The following MTERF2 variants were observed in gnomAD, a reference collection of about 807,000 sequenced individuals.
MTERF2 encodes the protein transcription termination factor 2, mitochondrial.
In MTERF2, 23 loss-of-function variants were observed where a neutral mutation model predicts 29.2. The observed-to-expected ratio is 0.79, with a 90% CI of 0.57 to 1.12. The LOEUF (loss-of-function observed/expected upper bound fraction) is 1.12, where lower values mean the gene tolerates loss of function less well. Ranked by LOEUF, MTERF2 falls within the 50% of genes most tolerant of loss-of-function variation. MTERF2 has a pLI of 0.00. For synonymous variants in MTERF2, 157 were observed against 159.5 expected (o/e 0.98, Z 0.12); for missense variants, 440 against 429.4 (o/e 1.02, Z -0.22).
At chr12:106,979,461 A>C (rs1052367790) in intron 2 of MTERF2, among the ~76,000 whole-genome samples, 5 of 152,158 alleles carry the variant, frequency 3.3e-5, no homozygotes, top group Non-Finnish European at 7.4e-5. Flanking sequence ...CCCTTTTATA[A>C]ATCCAGAATT....
chr12:106,986,020 G>A (rs1447504107), intron 1 of MTERF2: 2 of 152,196 alleles, frequency 1.3e-5, no homozygotes, highest in Non-Finnish European at 2.9e-5. Flanking sequence ...GGCCATGAAT[G>A]ACCTGCACTA....
At chr12:106,979,386 ATTATT>A (rs138056159) in intron 2 of MTERF2, among the ~76,000 whole-genome samples, 2,817 of 152,278 alleles carry the variant, frequency 0.018, 95 homozygotes, top group African/African-American at 0.065. Context: ...AAATGGGCCA[ATTATT>A]TTATTTTAAA....
chr12:106,979,280 TTGA>T (rs1952027946), intron 2 of MTERF2, among the ~76,000 whole-genome samples: 1 of 152,188 alleles, frequency 6.6e-6, no homozygotes, highest in Non-Finnish European at 1.5e-5. Context: ...CATTATTAAG[TTGA>T]TGTTTACCTG....
chr12:106,980,326 C>A (rs1431675048), intron 2 of MTERF2, among the ~76,000 whole-genome samples: 1 of 152,142 alleles, frequency 6.6e-6, no homozygotes, highest in Non-Finnish European at 1.5e-5. Flanking sequence ...GAAGAAGCAA[C>A]CGAATTACAT....
intron 1 of MTERF2, chr12:106,986,477 C>CA (rs1566235092): frequency 6.8e-6 from 1 of 148,016 alleles, no homozygotes; most frequent in Non-Finnish European, 1.5e-5. Flanking sequence ...AAACAAAAAA[C>CA]AAAAAACCGG....
intron 2 of MTERF2, among the ~76,000 whole-genome samples, chr12:106,981,763 C>A (rs138214590): frequency 0.053 from 8,051 of 152,182 alleles, 303 homozygotes; most frequent in African/African-American, 0.11. Flanking sequence ...TCAAGCAGTC[C>A]ACCCGCCTCG....
At chr12:106,983,285 C>A (rs1280482352) in intron 2 of MTERF2, among the ~76,000 whole-genome samples, 5 of 152,188 alleles carry the variant, frequency 3.3e-5, no homozygotes, top group Non-Finnish European at 5.9e-5. Flanking sequence ...AACTCTGTCT[C>A]TGTGCCCATT....
In MTERF2 at chr12:106,978,589, G is replaced by C; in HGVS notation, c.126C>G (p.Ser42Arg). The change falls in exon 3 of 3, where the codon AGC becomes AGG. Residue 42 changes from serine to arginine, a missense_variant. Transcript: ENST00000240050. ...CFTYTTDKQS[S>R]KENTRTVEKL... ...TTTCCACTGTTCTTGTATTTTCTTT[G>C]CTCGACTGTTTATCAGTTGTATAGG... 6.2e-7 allele frequency: 1 copy of C among 1,613,958 alleles called. No homozygotes were observed. Among genetic ancestry groups the C allele is most frequent in the Non-Finnish European group, 8.5e-7 (1 of 1,179,994 alleles).
chr12:106,978,802 TA>T, intron 2 of MTERF2, 31 bp from the exon 3 acceptor site: 1 of 1,247,654 alleles, frequency 8.0e-7, no homozygotes. Context: ...GTTTTTAGTA[TA>T]AGGGTGTTGA....
intron 2 of MTERF2, among the ~76,000 whole-genome samples, chr12:106,983,541 T>C (rs1485381028): frequency 6.6e-6 from 1 of 152,228 alleles, no homozygotes; most frequent in Non-Finnish European, 1.5e-5. Context: ...TGATGATCCT[T>C]ACTGCTTTTA....
In MTERF2 at chr12:106,986,952, G is replaced by A. The variant is rs117461935; in HGVS notation, c.-169+17C>T. ...GGTGAGGAACACGCCCAGGAGCAGA[G>A]GAAGGGGGCGACTCACCCGTCGGCG... On this transcript the variant is annotated intron_variant, in intron 1 of 2. Coordinates refer to ENST00000240050, the MANE Select transcript of MTERF2 (RefSeq NM_001033050.3). The A allele has an allele frequency of 0.029, 4,400 of 152,406 alleles. 52 individuals carry two copies. The highest frequency in any genetic ancestry group is 0.034 in the Middle Eastern group (10 of 294). 9.4% of individuals were successfully genotyped at this position (152,406 alleles called of 1,614,324 possible). A position where few individuals can be genotyped will look rare whatever the true frequency, so the allele number is the denominator to read the frequency against.
rs1224776647 is a variant in MTERF2 at position 106,978,119 on chromosome 12, C to G, written c.596G>C (p.Gly199Ala). The change falls in exon 3 of 3, where the codon GGT becomes GCT. Residue 199 changes from glycine to alanine, a missense_variant. Coordinates refer to ENST00000240050, the MANE Select transcript of MTERF2 (RefSeq NM_001033050.3). ...RILQESYLDV[G>A]GSEANMKVWL... ...AACTTTCATGTTGGCCTCAGAGCCA[C>G]CTACATCTAGATAACTCTCTTGGAG... 4 of 1,613,986 alleles carry G rather than the reference C, an allele frequency of 2.5e-6. No homozygotes were observed. The highest frequency in any genetic ancestry group is 3.4e-6 in the Non-Finnish European group (4 of 1,180,018).
At chr12:106,980,883 G>A (rs149199490) in intron 2 of MTERF2, among the ~76,000 whole-genome samples, 255 of 152,282 alleles carry the variant, frequency 1.7e-3, no homozygotes, top group Admixed American at 2.9e-3. Flanking sequence ...TTCCCATTTT[G>A]ATTTAGCTCA....
intron 2 of MTERF2, among the ~76,000 whole-genome samples, chr12:106,983,969 C>A (rs1225134569): frequency 6.6e-6 from 1 of 152,188 alleles, no homozygotes; most frequent in African/African-American, 2.4e-5. Flanking sequence ...TGGCCTCCCA[C>A]CTACCTCCAT....
Position 106,977,593 on chromosome 12 carries a change from T to C in MTERF2, c.1122A>G (p.Leu374=), listed in dbSNP as rs369348423. The change falls in exon 3 of 3, where the codon TTA becomes TTG. Residue 374 remains leucine, a synonymous_variant. Coordinates refer to ENST00000240050, the MANE Select transcript of MTERF2 (RefSeq NM_001033050.3). ...GKIQAKKVRP[L]FNPVAPLNVE... is the part of the protein sequence containing the mutation. ...CATTTAATGGTGCCACAGGGTTAAA[T>C]AATGGCCTTACTTTTTTGGCCTGAA... 9.9e-6 allele frequency: 16 copies of C among 1,613,294 alleles called. No individual in the cohort carries two copies. Among genetic ancestry groups the C allele is most frequent in the African/African-American group, 1.3e-5 (1 of 74,878 alleles).
Position 106,977,664 on chromosome 12 carries a change from T to G in MTERF2, c.1051A>C (p.Asn351His), listed in dbSNP as rs766123339. 1.2e-6 allele frequency: 2 copies of G among 1,614,030 alleles called. No homozygotes were observed. The highest frequency in any genetic ancestry group is 2.2e-5 in the South Asian group (2 of 91,084). Residue 351 changes from asparagine (N) to histidine (H), a missense_variant, in exon 3 of 3, where the codon AAT becomes CAT. Asn to His is a moderately conservative substitution (Grantham distance 68). Transcript: ENST00000240050. ...AACTCTTTTTTTGATCCATTTAGAT[T>G]TGCTAGATGTCCATCCTTTATTCTG... is the stretch of plus-strand genomic sequence containing the variant. ...GYRIKDGHLANLNGSKKEFEA... is the reference protein window; with the variant it reads ...GYRIKDGHLAHLNGSKKEFEA...
intron 2 of MTERF2, among the ~76,000 whole-genome samples, chr12:106,979,099 T>C (rs1484982191): frequency 6.6e-6 from 1 of 152,034 alleles, no homozygotes; most frequent in Non-Finnish European, 1.5e-5. Flanking sequence ...GTAAATACAC[T>C]GTTGAGTTAC....
intron 1 of MTERF2, chr12:106,986,753 T>C (rs1182307677): frequency 6.6e-6 from 1 of 152,260 alleles, no homozygotes; most frequent in African/African-American, 2.4e-5. Flanking sequence ...CAGTTTCAAA[T>C]TGACCAACGT....
rs759808681 is a variant in MTERF2, at chr12:106,978,593, G to T, written c.122C>A (p.Ser41Ter). 1 of 1,613,986 alleles carries T rather than the reference G, an allele frequency of 6.2e-7. No individual in the cohort carries two copies. The highest frequency in any genetic ancestry group is 1.1e-5 in the South Asian group (1 of 91,066). The change falls in exon 3 of 3, where the codon TCG (serine) becomes TAG (stop). Residue 41 changes from serine to a stop codon, truncating the protein, a stop_gained. Transcript: ENST00000240050. LOFTEE classifies it high-confidence loss of function. ...ACFTYTTDKQ[S>*]SKENTRTVEK... is the part of the protein sequence containing the mutation. ...CACTGTTCTTGTATTTTCTTTGCTC[G>T]ACTGTTTATCAGTTGTATAGGTGAA...
Sources: allele counts gnomAD v4.1 joint callset (sites outside exome capture counted in the v4.1 genomes callset), GRCh38; gene constraint gnomAD v4.1.1; transcripts MANE v1.5; gene names NCBI Gene and HGNC (gene_info 2026-07-23, HGNC 2026-07-21).